The following PPME1 variants were observed in gnomAD, a reference collection of about 807,000 sequenced individuals.
PPME1 encodes protein phosphatase methylesterase 1.
In PPME1, 17 loss-of-function variants were observed where a neutral mutation model predicts 56.9. The observed-to-expected ratio is 0.30, with a 90% CI of 0.20 to 0.45. The LOEUF is 0.45. Ranked by LOEUF, PPME1 falls within the 20% of genes least tolerant of loss-of-function variation. The pLI is 1.00. For synonymous variants in PPME1, 122 were observed against 156.2 expected (o/e 0.78, Z 1.63); for missense variants, 357 against 483.2 (o/e 0.74, Z 2.45).
chr11:74,188,039 C>T (rs546926528), intron 1 of PPME1, among the ~76,000 whole-genome samples: 82 of 152,244 alleles, frequency 5.4e-4, no homozygotes, highest in African/African-American at 1.9e-3. Flanking sequence ...CCAAGAAATA[C>T]AGGCTGCCTC....
rs75305379 is a variant in PPME1, at chr11:74,199,460, G to C, written c.102-4268G>C. Among the ~76,000 whole-genome samples the C allele has an allele frequency of 8.4e-3, 1,279 of 152,246 alleles. 10 individuals carry two copies. Among genetic ancestry groups the C allele is most frequent in the African/African-American group, 0.028 (1,180 of 41,534 alleles). ...GGTTCTTAGTAAATATTTTTTGAATGAATTAATCCTTTTTTTTGGGAGAGA... is the reference window on the plus strand; with the variant it reads ...GGTTCTTAGTAAATATTTTTTGAATCAATTAATCCTTTTTTTTGGGAGAGA... On this transcript the variant is annotated intron_variant, in intron 1 of 13. Coordinates refer to ENST00000328257, the MANE Select transcript of PPME1 (RefSeq NM_016147.3).
chr11:74,243,265 T>TAA (rs1333083978), intron 9 of PPME1: 1 of 152,008 alleles, frequency 6.6e-6, no homozygotes, highest in Non-Finnish European at 1.5e-5. Context: ...TCCAATAACC[T>TAA]AAATACAGAA....
At chr11:74,236,934 A>T (rs574539218) in intron 8 of PPME1, among the ~76,000 whole-genome samples, 1 of 152,350 alleles carries the variant, frequency 6.6e-6, no homozygotes, top group African/African-American at 2.4e-5. Flanking sequence ...TCTCATAAAT[A>T]ATTTTTTACA....
intron 8 of PPME1, among the ~76,000 whole-genome samples, chr11:74,237,364 C>G (rs1382822012): frequency 4.0e-5 from 6 of 150,336 alleles, no homozygotes; most frequent in Non-Finnish European, 7.4e-5. Flanking sequence ...CAACCTCTGC[C>G]TCCCAGGTTC....
At chr11:74,197,202 A>G (rs569009892) in intron 1 of PPME1, among the ~76,000 whole-genome samples, 1 of 152,246 alleles carries the variant, frequency 6.6e-6, no homozygotes, top group South Asian at 2.1e-4. Context: ...AAGGATTATT[A>G]GCCTCAAAGC....
chr11:74,239,397 T>C (rs1227535928), intron 9 of PPME1, 141 bp downstream of exon 9: 19 of 1,334,102 alleles, frequency 1.4e-5, no homozygotes, highest in African/African-American at 4.4e-5. Flanking sequence ...AAGAGATACT[T>C]AGCTTAACTA....
intron 8 of PPME1, chr11:74,238,379 C>G (rs1356635962): frequency 6.6e-6 from 1 of 152,178 alleles, no homozygotes; most frequent in Non-Finnish European, 1.5e-5. Flanking sequence ...TGCTTGTTCT[C>G]TCTCCTTTTC....
chr11:74,221,254 A>G (rs1858794202), intron 3 of PPME1, among the ~76,000 whole-genome samples: 1 of 152,128 alleles, frequency 6.6e-6, no homozygotes, highest in Non-Finnish European at 1.5e-5. Context: ...TTTTATTTCT[A>G]ACATAGGGAT....
At chr11:74,173,538 C>T (rs1178187756) in intron 1 of PPME1, among the ~76,000 whole-genome samples, 1 of 151,870 alleles carries the variant, frequency 6.6e-6, no homozygotes, top group African/African-American at 2.4e-5. Flanking sequence ...TTTTTTATTA[C>T]TTTTCATTTT....
At chr11:74,197,657 G>A (rs76123220) in intron 1 of PPME1, among the ~76,000 whole-genome samples, 1 of 152,164 alleles carries the variant, frequency 6.6e-6, no homozygotes, top group African/African-American at 2.4e-5. Flanking sequence ...CCTTTAGTTG[G>A]TAGCAAATGG....
intron 1 of PPME1, among the ~76,000 whole-genome samples, chr11:74,174,226 C>T (rs929938142): frequency 6.6e-6 from 1 of 152,126 alleles, no homozygotes; most frequent in African/African-American, 2.4e-5. Context: ...CTCAGATATT[C>T]CTAAGGTACC....
At chr11:74,201,157 A>G (rs1174168004) in intron 1 of PPME1, among the ~76,000 whole-genome samples, 3 of 151,810 alleles carry the variant, frequency 2.0e-5, no homozygotes, top group African/African-American at 7.3e-5. Flanking sequence ...TTGTATTTTT[A>G]GTAGAGACGG....
chr11:74,213,147 A>G (rs1343743771), intron 3 of PPME1, among the ~76,000 whole-genome samples: 2 of 152,102 alleles, frequency 1.3e-5, no homozygotes, highest in Non-Finnish European at 1.5e-5. Context: ...ATTCACCATA[A>G]GCTGACTGAA....
chr11:74,193,278 A>G (rs892384633), intron 1 of PPME1, among the ~76,000 whole-genome samples: 5 of 152,256 alleles, frequency 3.3e-5, no homozygotes, highest in Non-Finnish European at 7.3e-5. Flanking sequence ...TGGGTGGCTA[A>G]GATAGTGACA....
rs776680850 is a variant in PPME1 at position 74,230,346 on chromosome 11, C to T, written c.500C>T (p.Ser167Leu). 2.5e-6 allele frequency: 4 copies of T among 1,613,872 alleles called. No homozygotes were observed. In the South Asian group the frequency reaches 3.3e-5, roughly 13 times the overall value. The change falls in exon 6 of 14, where the codon TCA becomes TTA. Residue 167 changes from serine (S) to leucine (L), a missense_variant. Coordinates refer to ENST00000328257, the MANE Select transcript of PPME1 (RefSeq NM_016147.3). The surrounding 1 kb of genome is among the most constrained non-coding windows in gnomAD (Gnocchi z 4.9). ...MGGAIAVHTA[S>L]SNLVPSLLGL... is the part of the protein sequence containing the mutation. ...GGTGCTATTGCAGTCCACACAGCAT[C>T]ATCCAACCTGGTACCAAGCCTCTTG...
In PPME1 at chr11:74,231,174, C is replaced by T. The variant is rs149026371; in HGVS notation, c.644+172C>T. Reference sequence around the variant, plus strand: ...CTAGGTTCAAGCAATCCTCCCACCTCAGCCTCCCAAGTTGCTAAGACTACA... The same window carrying T: ...CTAGGTTCAAGCAATCCTCCCACCTTAGCCTCCCAAGTTGCTAAGACTACA... On this transcript the variant is annotated intron_variant, in intron 7 of 13. Transcript: ENST00000328257. Among the ~76,000 whole-genome samples the T allele has an allele frequency of 8.7e-3, 1,328 of 152,302 alleles. 9 individuals are homozygous for T. Among genetic ancestry groups the T allele is most frequent in the Non-Finnish European group, 0.012 (826 of 68,020 alleles).
intron 3 of PPME1, among the ~76,000 whole-genome samples, chr11:74,220,527 T>A (rs949985387): frequency 5.3e-5 from 8 of 152,180 alleles, no homozygotes; most frequent in African/African-American, 1.7e-4. Context: ...GATTTGAAAA[T>A]TGGCTCTGTC....
At chr11:74,186,720 T>C (rs902044647) in intron 1 of PPME1, among the ~76,000 whole-genome samples, 2 of 152,166 alleles carry the variant, frequency 1.3e-5, no homozygotes, top group African/African-American at 4.8e-5. Context: ...AGAAAGCAAG[T>C]TGATAAATAT....
intron 1 of PPME1, among the ~76,000 whole-genome samples, chr11:74,198,541 A>G (rs1420106643): frequency 6.6e-6 from 1 of 152,166 alleles, no homozygotes; most frequent in African/African-American, 2.4e-5. Flanking sequence ...AACTCACTGC[A>G]TCCTTGATCT....
Sources: gnomAD v4.1 joint callset for allele counts (sites outside exome capture counted in the v4.1 genomes callset) on GRCh38, gnomAD v4.1.1 for gene constraint, Gnocchi (gnomAD v3.1) non-coding constraint, MANE v1.5 for transcripts, NCBI Gene and HGNC (gene_info 2026-07-23, HGNC 2026-07-21) for gene names.